The following NALF1 variants were observed in gnomAD, a reference collection of about 807,000 sequenced individuals.
The protein encoded by NALF1 is family with sequence similarity 155 member A.
NALF1 carries 3 observed loss-of-function variants against 48.4 expected under a neutral mutation model. The ratio of observed to expected loss-of-function variants is 0.06; its 90% CI spans 0.03 to 0.16. The LOEUF is 0.16. Ranked by LOEUF, NALF1 falls within the 10% of genes least tolerant of loss-of-function variation. NALF1 has a pLI of 1.00. For synonymous variants in NALF1, 262 were observed against 245.7 expected (o/e 1.07, Z -0.62); for missense variants, 526 against 571.5 (o/e 0.92, Z 0.81).
At chr13:107,818,086 G>A (rs1879227238) in intron 1 of NALF1, among the ~76,000 whole-genome samples, 1 of 152,176 alleles carries the variant, frequency 6.6e-6, no homozygotes, top group Non-Finnish European at 1.5e-5. Context: ...AACCAATGCT[G>A]ATTTTCTTCT....
intron 1 of NALF1, among the ~76,000 whole-genome samples, chr13:107,582,258 C>T (rs1252865741): frequency 1.3e-5 from 2 of 152,162 alleles, no homozygotes; most frequent in African/African-American, 4.8e-5. Context: ...AGGGCAGAAG[C>T]CTGGATAAGG....
rs371449725 is a variant in NALF1 at position 107,636,742 on chromosome 13, AAAGTT to A, written c.915+228935_915+228939del. On this transcript the variant is annotated intron_variant, in intron 1 of 2. Coordinates refer to ENST00000375915, the MANE Select transcript of NALF1 (RefSeq NM_001080396.3). ...CCTCTATACTTTTTTCCAGTACAGC[AAAGTT>A]ATTTTCTATTTTTCTTAATACTGCC... is the stretch of plus-strand genomic sequence containing the variant. 5.5e-3 allele frequency among the ~76,000 whole-genome samples: 843 copies of A among 151,968 alleles called. 6 individuals carry two copies. Among genetic ancestry groups the A allele is most frequent in the Non-Finnish European group, 9.4e-3 (641 of 67,928 alleles).
intron 1 of NALF1, among the ~76,000 whole-genome samples, chr13:107,553,900 T>G (rs1367820021): frequency 6.6e-6 from 1 of 152,106 alleles, no homozygotes; most frequent in Non-Finnish European, 1.5e-5. Flanking sequence ...TTTAGTTAAG[T>G]AAGTGCCTGG....
intron 2 of NALF1, among the ~76,000 whole-genome samples, chr13:107,202,399 C>T (rs1042969680): frequency 6.7e-6 from 1 of 148,886 alleles, no homozygotes; most frequent in Non-Finnish European, 1.5e-5. Flanking sequence ...TATATACAAT[C>T]TATTATATAT....
chr13:107,368,742 T>G (rs1281550123), intron 1 of NALF1, among the ~76,000 whole-genome samples: 1 of 152,204 alleles, frequency 6.6e-6, no homozygotes, highest in Non-Finnish European at 1.5e-5. Context: ...GTCAAAATCC[T>G]TAACTTCATC....
chr13:107,667,891 TTTC>T (rs1880899404), intron 1 of NALF1, among the ~76,000 whole-genome samples: 1 of 152,122 alleles, frequency 6.6e-6, no homozygotes, highest in South Asian at 2.1e-4. Context: ...TGGAAAATAT[TTTC>T]TTATTTCTTA....
chr13:107,548,349 C>T (rs960826029), intron 1 of NALF1, among the ~76,000 whole-genome samples: 7 of 152,040 alleles, frequency 4.6e-5, no homozygotes, highest in South Asian at 4.1e-4. Context: ...ATATGCACCA[C>T]ATTTTCTTTA....
chr13:107,496,217 T>C (rs1039815151), intron 1 of NALF1, among the ~76,000 whole-genome samples: 7 of 152,202 alleles, frequency 4.6e-5, no homozygotes, highest in Non-Finnish European at 7.3e-5. Context: ...TACCATCCCA[T>C]GTGTTTTGAA....
chr13:107,249,456 C>T (rs900786786), intron 1 of NALF1, among the ~76,000 whole-genome samples: 2 of 152,026 alleles, frequency 1.3e-5, no homozygotes, highest in South Asian at 2.1e-4. Context: ...ATTGTCTACA[C>T]GAAGTGATGT....
At chr13:107,184,182 A>T (rs1160940189) in intron 2 of NALF1, among the ~76,000 whole-genome samples, 1 of 48,326 alleles carries the variant, frequency 2.1e-5, no homozygotes, top group Non-Finnish European at 6.4e-5. Flanking sequence ...AAAGTGTAAT[A>T]AAAAAAAAAA....
At chr13:107,487,410 T>C (rs758621545) in intron 1 of NALF1, among the ~76,000 whole-genome samples, 5 of 152,120 alleles carry the variant, frequency 3.3e-5, no homozygotes, top group Admixed American at 6.6e-5. Flanking sequence ...ACTTTTGTTT[T>C]AAAAAATGGG....
At chr13:107,707,139 G>A (rs1875409889) in intron 1 of NALF1, among the ~76,000 whole-genome samples, 1 of 151,342 alleles carries the variant, frequency 6.6e-6, no homozygotes, top group African/African-American at 2.4e-5. Context: ...AGCCGGGATG[G>A]TCTCGATCTC....
intron 1 of NALF1, among the ~76,000 whole-genome samples, chr13:107,769,958 G>A (rs1340231272): frequency 6.6e-6 from 1 of 152,120 alleles, no homozygotes; most frequent in East Asian, 1.9e-4. Context: ...TGTCACCCAG[G>A]CTAGAGTGCA....
chr13:107,435,475 G>A lies in NALF1; in HGVS notation c.916-224720C>T, dbSNP rs7332864. On this transcript the variant is annotated intron_variant, in intron 1 of 2. Transcript: ENST00000375915. ...TCAGCGGTGAATCTGTTTCTTAAAC[G>A]GCTACTCCAGGATTATATAGGGATG... Among the ~76,000 whole-genome samples, 975 of 152,136 alleles carry A rather than the reference G, an allele frequency of 6.4e-3. 8 individuals are homozygous for A. The highest frequency in any genetic ancestry group is 8.2e-3 in the Non-Finnish European group (561 of 68,006).
chr13:107,286,402 G>C (rs1881493445), intron 1 of NALF1, among the ~76,000 whole-genome samples: 1 of 152,042 alleles, frequency 6.6e-6, no homozygotes, highest in South Asian at 2.1e-4. Context: ...GGGAGGCTGA[G>C]GGAGCAGATC....
chr13:107,761,457 G>A (rs115143011), intron 1 of NALF1, among the ~76,000 whole-genome samples: 2,213 of 152,168 alleles, frequency 0.015, 60 homozygotes, highest in African/African-American at 0.051. Context: ...CTATATCTTA[G>A]AAGAAATGGG....
intron 1 of NALF1, among the ~76,000 whole-genome samples, chr13:107,668,547 T>A (rs1007884842): frequency 6.6e-6 from 1 of 152,068 alleles, no homozygotes; most frequent in Admixed American, 6.6e-5. Context: ...GATAAGTAAA[T>A]CTTCCTTTGT....
At chr13:107,192,055 G>C (rs1879294443) in intron 2 of NALF1, among the ~76,000 whole-genome samples, 2 of 151,750 alleles carry the variant, frequency 1.3e-5, no homozygotes, top group South Asian at 4.2e-4. Flanking sequence ...GAGAGAGAGA[G>C]AGACAGAAAG....
At chr13:107,330,915 T>C (rs547803307) in intron 1 of NALF1, among the ~76,000 whole-genome samples, 51 of 152,352 alleles carry the variant, frequency 3.3e-4, no homozygotes, top group African/African-American at 1.2e-3. Context: ...CCTTTTTCTA[T>C]GTCTGCATTT....
Sources: allele counts gnomAD v4.1 joint callset (sites outside exome capture counted in the v4.1 genomes callset), GRCh38; gene constraint gnomAD v4.1.1; transcripts MANE v1.5; gene names NCBI Gene and HGNC (gene_info 2026-07-23, HGNC 2026-07-21).